The following PBX3 variants were observed in gnomAD, a reference collection of about 807,000 sequenced individuals.
The protein encoded by PBX3 is PBX homeobox 3, also known as pre-B-cell leukemia transcription factor 3.
PBX3 carries 14 observed loss-of-function variants against 48.5 expected under a neutral mutation model. That is an observed-to-expected ratio of 0.29 (90% CI 0.19 to 0.45). The LOEUF (loss-of-function observed/expected upper bound fraction) is 0.45, where lower values mean the gene tolerates loss of function less well. PBX3 is among the 20% of genes least tolerant of loss of function. PBX3 has a pLI of 1.00. For synonymous variants in PBX3, 210 were observed against 200.3 expected, an observed-to-expected ratio of 1.05 and a Z score of -0.41; for missense variants, 386 against 546.7, an observed-to-expected ratio of 0.71 and a Z score of 2.93.
chr9:125,878,025 T>G (rs1195427809), intron 2 of PBX3, among the ~76,000 whole-genome samples: 1 of 152,210 alleles, frequency 6.6e-6, no homozygotes, highest in African/African-American at 2.4e-5. Context: ...TTCTTGGTAG[T>G]GGAATGAGAA....
At chr9:125,796,828 T>G (rs1837795644) in intron 2 of PBX3, among the ~76,000 whole-genome samples, 1 of 152,106 alleles carries the variant, frequency 6.6e-6, no homozygotes, top group Non-Finnish European at 1.5e-5. Context: ...CTATAGTTAA[T>G]GAGAGTGTCA....
At chr9:125,869,268 A>G (rs996023327) in intron 2 of PBX3, among the ~76,000 whole-genome samples, 1 of 152,220 alleles carries the variant, frequency 6.6e-6, no homozygotes, top group African/African-American at 2.4e-5. Context: ...AAAAGATGTT[A>G]AGAGGATAGA....
chr9:125,934,081 C>A (rs1309078533), intron 4 of PBX3, among the ~76,000 whole-genome samples: 1 of 152,136 alleles, frequency 6.6e-6, no homozygotes, highest in Non-Finnish European at 1.5e-5. Context: ...TGATTTTAAT[C>A]CCCAAATACA....
intron 2 of PBX3, among the ~76,000 whole-genome samples, chr9:125,801,262 A>G (rs1330340629): frequency 6.6e-6 from 1 of 152,168 alleles, no homozygotes; most frequent in Non-Finnish European, 1.5e-5. Context: ...CATCCTGCCA[A>G]ATTTTCTGCC....
Position 125,966,264 on chromosome 9 carries a change from A to G in PBX3, c.*341A>G. 1 of 177,554 alleles carries G rather than the reference A, an allele frequency of 5.6e-6. No individual in the cohort carries two copies. The highest frequency in any genetic ancestry group is 1.2e-5 in the Non-Finnish European group (1 of 83,512). 11.0% of individuals were successfully genotyped at this position (177,554 alleles called of 1,614,324 possible). A position where few individuals can be genotyped will look rare whatever the true frequency, so the allele number is the denominator to read the frequency against. ...TGGCCTTAAGGGTAAAAAGTACAAT[A>G]TACACTAAACCTCAACCGTTAAAGC... On this transcript the variant is annotated 3_prime_UTR_variant, in exon 9 of 9. Transcript: ENST00000373489.
At chr9:125,854,707 G>A (rs1232337503) in intron 2 of PBX3, among the ~76,000 whole-genome samples, 2 of 152,202 alleles carry the variant, frequency 1.3e-5, no homozygotes, top group Admixed American at 6.5e-5. Context: ...CATTTTCATA[G>A]TCATATTCAT....
intron 2 of PBX3, among the ~76,000 whole-genome samples, chr9:125,872,578 G>A (rs1564149823): frequency 6.6e-6 from 1 of 151,990 alleles, no homozygotes; most frequent in South Asian, 2.1e-4. Flanking sequence ...GGGCAACATA[G>A]CGAGACCCCC....
intron 4 of PBX3, among the ~76,000 whole-genome samples, chr9:125,931,243 CTAATTAT>C (rs567270536): frequency 2.6e-5 from 4 of 152,106 alleles, no homozygotes; most frequent in Non-Finnish European, 5.9e-5. Flanking sequence ...AGTATAAGCT[CTAATTAT>C]TAATAGCATT....
chr9:125,932,480 C>G (rs1841739708), intron 4 of PBX3, among the ~76,000 whole-genome samples: 1 of 152,178 alleles, frequency 6.6e-6, no homozygotes, highest in South Asian at 2.1e-4. Context: ...ACAATTCTAG[C>G]AAATGACTTA....
chr9:125,884,181 G>T (rs147825516), intron 2 of PBX3, among the ~76,000 whole-genome samples: 1 of 152,136 alleles, frequency 6.6e-6, no homozygotes, highest in Non-Finnish European at 1.5e-5. Context: ...ACTAGGATGC[G>T]CAGTATTCAG....
intron 2 of PBX3, among the ~76,000 whole-genome samples, chr9:125,841,145 C>T (rs1388355009): frequency 2.0e-5 from 3 of 152,032 alleles, no homozygotes; most frequent in African/African-American, 7.2e-5. Flanking sequence ...GAAATTAAGG[C>T]CCAGAGAGGT....
At chr9:125,862,537 C>G (rs1839885525) in intron 2 of PBX3, among the ~76,000 whole-genome samples, 1 of 152,062 alleles carries the variant, frequency 6.6e-6, no homozygotes, top group South Asian at 2.1e-4. Context: ...CAGGAGTGTG[C>G]CACCACACCC....
At chr9:125,842,608 G>A (rs1839318428) in intron 2 of PBX3, among the ~76,000 whole-genome samples, 2 of 152,130 alleles carry the variant, frequency 1.3e-5, no homozygotes, top group Admixed American at 1.3e-4. Context: ...AATGCACAAG[G>A]CAGTTTTTAG....
intron 2 of PBX3, among the ~76,000 whole-genome samples, chr9:125,906,932 G>A (rs1841086536): frequency 6.6e-6 from 1 of 151,994 alleles, no homozygotes; most frequent in African/African-American, 2.4e-5. Context: ...ACATTTGCAG[G>A]AAGAAGAGTC....
Position 125,759,726 on chromosome 9 carries a change from T to TC in PBX3, c.274+11104dup, listed in dbSNP as rs1339532077. 6.6e-6 allele frequency among the ~76,000 whole-genome samples: 1 copy of TC among 152,226 alleles called. No homozygotes were observed. Among genetic ancestry groups the TC allele is most frequent in the Non-Finnish European group, 1.5e-5 (1 of 68,026 alleles). ...TGTGAACGCGGCTCATAATTGTTTT[T>TC]CACACATAAGTTATGCAAATGAGCT... On this transcript the variant is annotated intron_variant, in intron 2 of 8. Coordinates refer to ENST00000373489, the MANE Select transcript of PBX3 (RefSeq NM_006195.6). The surrounding 1 kb of genome is among the most constrained non-coding windows in gnomAD (Gnocchi z 4.2).
At chr9:125,825,173 A>G (rs1218863118) in intron 2 of PBX3, among the ~76,000 whole-genome samples, 1 of 152,120 alleles carries the variant, frequency 6.6e-6, no homozygotes, top group African/African-American at 2.4e-5. Flanking sequence ...TTTCCTAGCT[A>G]TTCAGGAGGC....
At chr9:125,820,639 C>T (rs762913230) in intron 2 of PBX3, among the ~76,000 whole-genome samples, 7 of 152,196 alleles carry the variant, frequency 4.6e-5, no homozygotes, top group Non-Finnish European at 8.8e-5. Flanking sequence ...TGGTGGAGCA[C>T]CTGCATTTGA....
At chr9:125,875,659 C>T (rs1182034081) in intron 2 of PBX3, among the ~76,000 whole-genome samples, 1 of 152,024 alleles carries the variant, frequency 6.6e-6, no homozygotes, top group Non-Finnish European at 1.5e-5. Flanking sequence ...GACCTTCTGC[C>T]GCCACCTCGC....
chr9:125,905,787 T>C (rs1841056762), intron 2 of PBX3, among the ~76,000 whole-genome samples: 1 of 152,092 alleles, frequency 6.6e-6, no homozygotes, highest in African/African-American at 2.4e-5. Flanking sequence ...GAATATGCTG[T>C]TTTGATTATA....
Sources: allele counts gnomAD v4.1 joint callset (sites outside exome capture counted in the v4.1 genomes callset), GRCh38; gene constraint gnomAD v4.1.1; non-coding constraint Gnocchi (gnomAD v3.1); transcripts MANE v1.5; gene names NCBI Gene and HGNC (gene_info 2026-07-23, HGNC 2026-07-21).